Variants in CD33 observed in about 807,000 individuals in gnomAD.
CD33 encodes CD33 molecule.
CD33 carries 25 observed loss-of-function variants against 31.4 expected under a neutral mutation model. The observed-to-expected ratio is 0.80, with a 90% confidence interval of 0.58 to 1.11. The LOEUF is 1.11. Among genes scored for constraint, CD33 ranks in the 50% most tolerant of loss-of-function variants. The probability of loss-of-function intolerance (pLI) is 0.00; values close to 1 mark genes in which losing one functional copy is unlikely to be tolerated. For synonymous variants in CD33, 176 were observed against 180.6 expected (o/e 0.97, Z 0.20); for missense variants, 407 against 448.1 (o/e 0.91, Z 0.83).
At chr19:51,211,555 T>A in the CD33 span, 1 of 1,518,080 alleles carries the variant, frequency 6.6e-7, no homozygotes, top group Admixed American at 2.2e-5. Context: ...CAAACACAGT[T>A]ACAAATCTCC....
chr19:51,216,223 A>AGT, the CD33 span, among the ~76,000 whole-genome samples: 1,150 of 128,404 alleles, frequency 9.0e-3, 9 homozygotes, highest in Middle Eastern at 0.032. Context: ...ATGTCACCCG[A>AGT]GTGTGTGTGT....
chr19:51,234,312 T>G (rs1981628626), intron 4 of CD33, among the ~76,000 whole-genome samples: 1 of 152,182 alleles, frequency 6.6e-6, no homozygotes, highest in Non-Finnish European at 1.5e-5. Flanking sequence ...TAGTTTACAT[T>G]AAAGTTCACT....
chr19:51,216,409 G>A, the CD33 span, among the ~76,000 whole-genome samples: 1 of 152,096 alleles, frequency 6.6e-6, no homozygotes, highest in African/African-American at 2.4e-5. Flanking sequence ...AGAAATCTCA[G>A]TATTAAGAAG....
the CD33 span, among the ~76,000 whole-genome samples, chr19:51,216,044 A>C: frequency 2.0e-5 from 3 of 150,146 alleles, no homozygotes; most frequent in Non-Finnish European, 4.4e-5. Context: ...CCTCCACTGG[A>C]CTCTCCTGAT....
intron 3 of CD33, 47 bp downstream of exon 3, chr19:51,226,128 A>T: frequency 1.3e-6 from 2 of 1,598,658 alleles, no homozygotes; most frequent in South Asian, 2.2e-5. Context: ...TGTAGGGGAG[A>T]CAGGATGGGC....
intron 6 of CD33, chr19:51,238,493 T>G (rs549587780): frequency 6.6e-6 from 1 of 152,312 alleles, no homozygotes; most frequent in African/African-American, 2.4e-5. Flanking sequence ...GTGAGAAAGC[T>G]GAGAATGAAT....
In CD33 at chr19:51,225,967, T is replaced by C; in HGVS notation, c.583T>C (p.Ser195Pro). 6.2e-7 allele frequency: 1 copy of C among 1,614,042 alleles called. No individual in the cohort carries two copies. The highest frequency in any genetic ancestry group is 8.5e-7 in the Non-Finnish European group (1 of 1,180,010). Residue 195 changes from serine to proline, a missense_variant, in exon 3 of 7, where the codon TCG becomes CCG. Ser to Pro is a moderately conservative substitution (Grantham distance 74). Coordinates refer to ENST00000262262, the MANE Select transcript of CD33 (RefSeq NM_001772.4). ...CCTGGGCCCCAGGACTACTCACTCCTCGGTGCTCATAATCACCCCACGGCC... is the reference window on the plus strand; with the variant it reads ...CCTGGGCCCCAGGACTACTCACTCCCCGGTGCTCATAATCACCCCACGGCC... ...TSLGPRTTHS[S>P]VLIITPRPQD...
chr19:51,217,369 A>T, the CD33 span, among the ~76,000 whole-genome samples: 64,195 of 151,010 alleles, frequency 0.43, 14,247 homozygotes, highest in African/African-American at 0.53. Context: ...CTCTTTCGAA[A>T]CTCCAATGTC....
the CD33 span, chr19:51,211,726 T>C: frequency 1.3e-6 from 1 of 787,136 alleles, no homozygotes. Flanking sequence ...GACCAGAACC[T>C]GAGCTTCCCT....
upstream of CD33, among the ~76,000 whole-genome samples, chr19:51,221,195 A>T (rs1393526187): frequency 6.6e-6 from 1 of 152,248 alleles, no homozygotes; most frequent in African/African-American, 2.4e-5. Context: ...CAGCCTGCAG[A>T]ACTGTGAGCC....
At chr19:51,214,445 C>T in the CD33 span, among the ~76,000 whole-genome samples, 2 of 152,100 alleles carry the variant, frequency 1.3e-5, no homozygotes, top group Non-Finnish European at 2.9e-5. Context: ...ATCTGCCCAC[C>T]TTGGCCTCCC....
the CD33 span, among the ~76,000 whole-genome samples, chr19:51,218,046 A>G: frequency 3.9e-5 from 6 of 152,310 alleles, no homozygotes; most frequent in East Asian, 1.2e-3. Flanking sequence ...TCCTTTACCC[A>G]GTAGTGGGAT....
rs753100418 is a variant in CD33, at chr19:51,239,679, G to A, written c.1086G>A (p.Arg362=). 1 of 1,609,316 alleles carries A rather than the reference G, an allele frequency of 6.2e-7. No homozygotes were observed. Among genetic ancestry groups the A allele is most frequent in the South Asian group, 1.1e-5 (1 of 90,334 alleles). Residue 362 remains arginine, a synonymous_variant, in exon 7 of 7, where the codon AGG becomes AGA. Coordinates refer to ENST00000262262, the MANE Select transcript of CD33 (RefSeq NM_001772.4). ...CCTCCACCGAATACTCAGAGGTCAG[G>A]ACCCAGTGAGGAACCCACAAGAGCA... is the stretch of plus-strand genomic sequence containing the variant. The part of the protein sequence containing the change: ...KDTSTEYSEV[R]TQ
intron 6 of CD33, chr19:51,238,428 A>G (rs1981944316): frequency 6.6e-6 from 1 of 152,226 alleles, no homozygotes; most frequent in South Asian, 2.1e-4. Flanking sequence ...AGGGGTCCAC[A>G]GACACAGCCC....
the CD33 span, among the ~76,000 whole-genome samples, chr19:51,216,310 A>T: frequency 2.0e-5 from 3 of 151,264 alleles, no homozygotes; most frequent in Non-Finnish European, 4.4e-5. Flanking sequence ...TTATTCATTA[A>T]TCTATAGATT....
the CD33 span, among the ~76,000 whole-genome samples, chr19:51,216,449 C>A: frequency 6.6e-6 from 1 of 152,196 alleles, no homozygotes; most frequent in South Asian, 2.1e-4. Context: ...GTGGCTCACA[C>A]CTGTAATCCC....
the CD33 span, chr19:51,211,491 C>T: frequency 3.4e-5 from 53 of 1,556,146 alleles, no homozygotes; most frequent in South Asian, 4.9e-5. Context: ...GCATCGTAGA[C>T]GCCAGGAGGA....
the CD33 span, among the ~76,000 whole-genome samples, chr19:51,217,182 G>A: frequency 5.3e-5 from 8 of 152,122 alleles, no homozygotes; most frequent in African/African-American, 9.7e-5. Context: ...CTGGGAGAGC[G>A]CTGCTGGATC....
chr19:51,211,137 T>G, the CD33 span: 1 of 1,599,514 alleles, frequency 6.3e-7, no homozygotes, highest in Non-Finnish European at 8.5e-7. Flanking sequence ...CTGCCCCTGC[T>G]GTGGGCAGGT....
Sources: gnomAD v4.1 joint callset for allele counts (sites outside exome capture counted in the v4.1 genomes callset) on GRCh38, gnomAD v4.1.1 for gene constraint, MANE v1.5 for transcripts, NCBI Gene and HGNC (gene_info 2026-07-23, HGNC 2026-07-21) for gene names.